Variants in XKR6 observed in about 807,000 individuals in gnomAD.
XKR6 encodes XK-related protein 6.
XKR6 carries 22 observed loss-of-function variants against 56.7 expected under a neutral mutation model. The observed-to-expected ratio is 0.39, with a 90% CI of 0.28 to 0.55. XKR6 has a LOEUF of 0.55. Among genes scored for constraint, XKR6 ranks in the 20% least tolerant of loss-of-function variants. The pLI is 0.66. For synonymous variants in XKR6, 524 were observed against 387.8 expected, an observed-to-expected ratio of 1.35 and a Z score of -4.13; for missense variants, 852 against 889.0, an observed-to-expected ratio of 0.96 and a Z score of 0.53.
chr8:10,903,181 T>G (rs1281624870), intron 2 of XKR6, among the ~76,000 whole-genome samples: 1 of 152,164 alleles, frequency 6.6e-6, no homozygotes, highest in Non-Finnish European at 1.5e-5. Flanking sequence ...ATTGTCTACG[T>G]CGTTATGTTT....
Position 10,898,921 on chromosome 8 carries a change from CG to C in XKR6, c.962-6del. On this transcript the variant is annotated splice_polypyrimidine_tract_variant and splice_region_variant and intron_variant, in intron 2 of 2. Transcript: ENST00000416569. The surrounding 1 kb of genome is among the most constrained non-coding windows in gnomAD (Gnocchi z 6.6). ...GGGAAGTCACAGAGGAGACACCTGCCGGAAAGACACAAACCCACACAGTCAA... is the reference window on the plus strand; with the variant it reads ...GGGAAGTCACAGAGGAGACACCTGCCGAAAGACACAAACCCACACAGTCAA... 6.3e-7 allele frequency: 1 copy of C among 1,592,930 alleles called. No individual in the cohort carries two copies. The highest frequency in any genetic ancestry group is 8.5e-7 in the Non-Finnish European group (1 of 1,170,316).
At chr8:10,930,380 A>C (rs994268259) in intron 1 of XKR6, among the ~76,000 whole-genome samples, 2 of 152,206 alleles carry the variant, frequency 1.3e-5, no homozygotes, top group Non-Finnish European at 2.9e-5. Context: ...ACAGAGTAGA[A>C]ATTGCACCAA....
chr8:10,912,246 G>A (rs968452238), intron 2 of XKR6, among the ~76,000 whole-genome samples: 1 of 141,068 alleles, frequency 7.1e-6, no homozygotes, highest in Admixed American at 7.3e-5. Context: ...GAGAGAGAGG[G>A]TGTGTGTGTA....
At chr8:11,095,134 C>T (rs543064387) in intron 1 of XKR6, among the ~76,000 whole-genome samples, 1 of 152,300 alleles carries the variant, frequency 6.6e-6, no homozygotes, top group South Asian at 2.1e-4. Flanking sequence ...GCTAGAGAAA[C>T]AGGGATGTAT....
At chr8:11,033,039 T>C (rs1200439020) in intron 1 of XKR6, among the ~76,000 whole-genome samples, 1 of 152,098 alleles carries the variant, frequency 6.6e-6, no homozygotes, top group Non-Finnish European at 1.5e-5. Flanking sequence ...ATGGTAATAA[T>C]GATGAAGATG....
intron 1 of XKR6, among the ~76,000 whole-genome samples, chr8:11,027,625 A>T (rs1364164057): frequency 1.3e-5 from 2 of 152,220 alleles, no homozygotes; most frequent in African/African-American, 4.8e-5. Context: ...ACTTGAGCTG[A>T]TGACTATCTT....
chr8:11,120,721 A>T (rs1387194643), intron 1 of XKR6, among the ~76,000 whole-genome samples: 1 of 152,202 alleles, frequency 6.6e-6, no homozygotes, highest in Non-Finnish European at 1.5e-5. Flanking sequence ...AAGAGCCCGC[A>T]TCGCCAAGTC....
intron 1 of XKR6, among the ~76,000 whole-genome samples, chr8:11,189,846 C>T (rs929243300): frequency 6.6e-6 from 1 of 152,176 alleles, no homozygotes. Context: ...GATTCTGATG[C>T]ACAGCCAAGG....
At chr8:11,061,540 C>A (rs1799834924) in intron 1 of XKR6, among the ~76,000 whole-genome samples, 1 of 152,150 alleles carries the variant, frequency 6.6e-6, no homozygotes, top group Non-Finnish European at 1.5e-5. Flanking sequence ...ATCTGACAAT[C>A]CCATGTTGCA....
At chr8:10,965,270 C>T (rs1258929827) in intron 1 of XKR6, among the ~76,000 whole-genome samples, 1 of 152,340 alleles carries the variant, frequency 6.6e-6, no homozygotes, top group Admixed American at 6.5e-5. Context: ...ATCAGCCCTA[C>T]GGGCATGGAT....
rs140192491 is a variant in XKR6 at position 10,971,918 on chromosome 8, G to T, written c.765-47088C>A. Among the ~76,000 whole-genome samples the T allele has an allele frequency of 1.0e-3, 153 of 152,196 alleles. 1 individual carries two copies. Among genetic ancestry groups the T allele is most frequent in the African/African-American group, 3.5e-3 (146 of 41,530 alleles). On this transcript the variant is annotated intron_variant, in intron 1 of 2. Coordinates refer to ENST00000416569, the MANE Select transcript of XKR6 (RefSeq NM_173683.4). The stretch of plus-strand genomic sequence containing the variant: ...TATACAATAAAGGAAATTTTTCTTG[G>T]GGTCAAATTTATTGTTGATTTCCAA...
intron 1 of XKR6, among the ~76,000 whole-genome samples, chr8:11,187,292 C>T (rs1194459176): frequency 6.6e-6 from 1 of 152,160 alleles, no homozygotes; most frequent in Non-Finnish European, 1.5e-5. Context: ...CAAGGGCCAA[C>T]AAAGCATAAG....
chr8:11,138,238 TCTC>T (rs1800506492), intron 1 of XKR6: 1 of 153,544 alleles, frequency 6.5e-6, no homozygotes, highest in Non-Finnish European at 1.4e-5. Flanking sequence ...ATGTGTGGTG[TCTC>T]ATGTTGAAAT....
chr8:11,023,393 G>T (rs570541574), intron 1 of XKR6, among the ~76,000 whole-genome samples: 7 of 152,312 alleles, frequency 4.6e-5, no homozygotes, highest in African/African-American at 1.7e-4. Flanking sequence ...TCAGCCTTCT[G>T]AGTAGCTGGA....
intron 1 of XKR6, among the ~76,000 whole-genome samples, chr8:11,021,349 T>C (rs2129148699): frequency 6.6e-6 from 1 of 152,348 alleles, no homozygotes; most frequent in Middle Eastern, 3.4e-3. Context: ...GATGGACTGC[T>C]GAGAGTTTCT....
intron 1 of XKR6, among the ~76,000 whole-genome samples, chr8:11,166,483 C>T (rs1755508909): frequency 6.6e-6 from 1 of 152,146 alleles, no homozygotes; most frequent in Non-Finnish European, 1.5e-5. Flanking sequence ...TTTGTTATAG[C>T]AGCCGTGATG....
intron 1 of XKR6, among the ~76,000 whole-genome samples, chr8:11,120,153 C>G (rs1799377329): frequency 1.3e-5 from 2 of 152,154 alleles, no homozygotes; most frequent in Admixed American, 1.3e-4. Context: ...TCTCACCACT[C>G]CTATTCAACA....
At chr8:10,914,998 C>T (rs1257522784) in intron 2 of XKR6, among the ~76,000 whole-genome samples, 22 of 152,236 alleles carry the variant, frequency 1.4e-4, no homozygotes, top group Non-Finnish European at 1.5e-5. Context: ...CCCACCCTCA[C>T]CTCAGTGGCG....
At chr8:11,155,725 C>T (rs1450953809) in intron 1 of XKR6, among the ~76,000 whole-genome samples, 1 of 152,172 alleles carries the variant, frequency 6.6e-6, no homozygotes, top group Non-Finnish European at 1.5e-5. Flanking sequence ...GGCCTCCCTA[C>T]CTTACTCAAA....
Sources: gnomAD v4.1 joint callset for allele counts (sites outside exome capture counted in the v4.1 genomes callset) on GRCh38, gnomAD v4.1.1 for gene constraint, Gnocchi (gnomAD v3.1) non-coding constraint, MANE v1.5 for transcripts, NCBI Gene and HGNC (gene_info 2026-07-23, HGNC 2026-07-21) for gene names.